NHLRC2: variants seen among roughly 807,000 people sequenced by gnomAD.
NHLRC2 encodes the protein NHL repeat-containing protein 2.
A neutral mutation model predicts 68.1 loss-of-function variants in NHLRC2; 33 were observed. The ratio of observed to expected loss-of-function variants is 0.48; its 90% CI spans 0.37 to 0.65. The LOEUF (loss-of-function observed/expected upper bound fraction) is 0.65, where lower values mean the gene tolerates loss of function less well. Ranked by LOEUF, NHLRC2 falls within the 30% of genes least tolerant of loss-of-function variation. The pLI, the probability that NHLRC2 is intolerant of heterozygous loss-of-function variation, is 0.00. For synonymous variants in NHLRC2, 311 were observed against 309.6 expected, an observed-to-expected ratio of 1.00 and a Z score of -0.05; for missense variants, 761 against 853.8, an observed-to-expected ratio of 0.89 and a Z score of 1.35.
Position 113,902,550 on chromosome 10 carries a change from A to C in NHLRC2, c.1451A>C (p.Lys484Thr). ...CACCCCCTTGGAGTAACATGGGACA[A>C]AAAAAGGAATTTACTTTATGTTGCA... ...LQHPLGVTWD[K>T]KRNLLYVADS... The change falls in exon 8 of 11, where the codon AAA becomes ACA. Residue 484 changes from lysine (K) to threonine (T), a missense_variant. Coordinates refer to ENST00000369301, the MANE Select transcript of NHLRC2 (RefSeq NM_198514.4). The C allele has an allele frequency of 6.2e-7, 1 of 1,610,074 alleles. No homozygotes were observed. The highest frequency in any genetic ancestry group is 8.5e-7 in the Non-Finnish European group (1 of 1,177,828).
rs199912512 is a variant in NHLRC2 at position 113,879,578 on chromosome 10, C to T, written c.792C>T (p.Pro264=). ...NGQIQYSIGG[P]NPGRKDGIFS... Reference sequence around the variant, plus strand: ...GCAAATTTTATCTTATTTTAGGACCCAACCCTGGAAGAAAAGATGGAATAT... The same window carrying T: ...GCAAATTTTATCTTATTTTAGGACCTAACCCTGGAAGAAAAGATGGAATAT... Residue 264 remains proline, a synonymous_variant, in exon 4 of 11, where the codon CCC becomes CCT. Transcript: ENST00000369301. The T allele has an allele frequency of 6.9e-6, 11 of 1,600,626 alleles. No homozygotes were observed. Among genetic ancestry groups the T allele is most frequent in the Non-Finnish European group, 9.4e-6 (11 of 1,174,054 alleles).
chr10:113,858,307 G>A (rs1326263351), intron 1 of NHLRC2, among the ~76,000 whole-genome samples: 1 of 151,430 alleles, frequency 6.6e-6, no homozygotes, highest in East Asian at 1.9e-4. Context: ...TTTAGTTACA[G>A]TCATAAAGAT....
intron 5 of NHLRC2, among the ~76,000 whole-genome samples, chr10:113,889,934 C>T (rs969659293): frequency 6.6e-6 from 1 of 152,182 alleles, no homozygotes; most frequent in African/African-American, 2.4e-5. Context: ...ATTCATTCAC[C>T]AGTTAATAGA....
chr10:113,904,301 A>T (rs1389547400), intron 9 of NHLRC2, among the ~76,000 whole-genome samples: 1 of 152,078 alleles, frequency 6.6e-6, no homozygotes, highest in Non-Finnish European at 1.5e-5. Context: ...TCAAGGGGAA[A>T]TGTCTATTAT....
At chr10:113,878,544 T>A (rs1471075876) in intron 3 of NHLRC2, among the ~76,000 whole-genome samples, 2 of 152,132 alleles carry the variant, frequency 1.3e-5, no homozygotes, top group Admixed American at 1.3e-4. Context: ...TTCTTTTTTT[T>A]AAAGATGGAG....
At chr10:113,880,732 C>T (rs1199826889) in intron 4 of NHLRC2, among the ~76,000 whole-genome samples, 2 of 151,842 alleles carry the variant, frequency 1.3e-5, no homozygotes, top group African/African-American at 4.8e-5. Flanking sequence ...AATCCTAGCA[C>T]CTAGAAAAGA....
chr10:113,878,075 C>G (rs1172115772), intron 3 of NHLRC2, among the ~76,000 whole-genome samples: 1 of 152,158 alleles, frequency 6.6e-6, no homozygotes, highest in Non-Finnish European at 1.5e-5. Context: ...ATACTGTTAT[C>G]TTTTGATACA....
rs1296920644 is a variant in NHLRC2, at chr10:113,897,873, G to T, written c.1040-237G>T. On this transcript the variant is annotated intron_variant, in intron 5 of 10. Transcript: ENST00000369301. ...CAGAGATGCAGAGGACTTACTGCTG[G>T]TAAGAATACTTTGGATTCCTGTGAA... Among the ~76,000 whole-genome samples the T allele has an allele frequency of 2.0e-5, 3 of 152,226 alleles. No individual in the cohort carries two copies. In the East Asian group the frequency reaches 5.8e-4, roughly 29 times the overall value.
intron 8 of NHLRC2, among the ~76,000 whole-genome samples, chr10:113,903,081 T>C (rs1846242197): frequency 6.6e-6 from 1 of 152,214 alleles, no homozygotes; most frequent in South Asian, 2.1e-4. Flanking sequence ...TACTTCATGA[T>C]GTGAGACCAT....
At position 113,876,839 on chromosome 10, in the gene NHLRC2, C is replaced by A. The variant is rs1271244354; in HGVS notation, c.650C>A (p.Ser217Tyr). The A allele has an allele frequency of 1.2e-6, 2 of 1,612,808 alleles. No homozygotes were observed. The highest frequency in any genetic ancestry group is 4.5e-5 in the East Asian group (2 of 44,842). The change falls in exon 3 of 11, where the codon TCT becomes TAT. Residue 217 changes from serine (S) to tyrosine (Y), a missense_variant. Coordinates refer to ENST00000369301, the MANE Select transcript of NHLRC2 (RefSeq NM_198514.4). ...NKIGIKLYKD[S>Y]LPPSPLLFPG... is the part of the protein sequence containing the mutation. ...ATTGGAATAAAACTCTATAAAGATT[C>A]TTTGCCACCTTCACCATTGCTATTT...
Position 113,876,744 on chromosome 10 carries a change from T to G in NHLRC2, c.555T>G (p.Asp185Glu). 2 of 1,612,446 alleles carry G rather than the reference T, an allele frequency of 1.2e-6. No individual in the cohort carries two copies. The highest frequency in any genetic ancestry group is 1.7e-6 in the Non-Finnish European group (2 of 1,178,604). Residue 185 changes from aspartate to glutamate, a missense_variant, in exon 3 of 11, where the codon GAT becomes GAG. Asp to Glu is a conservative substitution (Grantham distance 45, BLOSUM62 2). Transcript: ENST00000369301. ...CTTTGATTGGAGAGGGACACAAAGA[T>G]AAATTATTTTTATATACTTCAATTG... ...LFSLIGEGHK[D>E]KLFLYTSIAL...
chr10:113,898,069 A>C (rs764855698), intron 5 of NHLRC2, 41 bp from the exon 6 acceptor site: 10 of 1,197,588 alleles, frequency 8.4e-6, no homozygotes, highest in Non-Finnish European at 8.4e-6. Context: ...GTTTGTATTA[A>C]CCAGATATGT....
chr10:113,876,527 T>G lies in NHLRC2; in HGVS notation c.338T>G (p.Leu113Arg). ...LEHTYSDKDGLLIIGVHSAKF... is the reference protein window; with the variant it reads ...LEHTYSDKDGRLIIGVHSAKF... ...TATAATTTTTTCCTTTCAGATGGTC[T>G]TCTTATTATTGGTGTTCACTCGGCT... The change falls in exon 3 of 11, where the codon CTT becomes CGT. Residue 113 changes from leucine (L) to arginine (R), a missense_variant. Leu to Arg is a moderately radical substitution (Grantham distance 102). Coordinates refer to ENST00000369301, the MANE Select transcript of NHLRC2 (RefSeq NM_198514.4). The G allele has an allele frequency of 1.3e-6, 2 of 1,571,692 alleles. No individual in the cohort carries two copies. The highest frequency in any genetic ancestry group is 1.7e-6 in the Non-Finnish European group (2 of 1,157,736).
intron 10 of NHLRC2, among the ~76,000 whole-genome samples, chr10:113,907,646 C>T (rs1271152356): frequency 1.3e-5 from 2 of 152,054 alleles, no homozygotes; most frequent in East Asian, 1.9e-4. Context: ...CTGTTTATTT[C>T]TAGGAAGAGT....
chr10:113,876,757 T>C lies in NHLRC2; in HGVS notation c.568T>C (p.Tyr190His). The C allele has an allele frequency of 6.2e-7, 1 of 1,610,220 alleles. No homozygotes were observed. ...GEGHKDKLFL[Y>H]TSIALKYYKD... ...GGGACACAAAGATAAATTATTTTTA[T>C]ATACTTCAATTGCTTTAAAGTATTA... Residue 190 changes from tyrosine (Y) to histidine (H), a missense_variant, in exon 3 of 11, where the codon TAT (tyrosine) becomes CAT (histidine). Tyr to His is a moderately conservative substitution (Grantham distance 83). Transcript: ENST00000369301.
At chr10:113,888,330 A>G (rs1018073010) in intron 5 of NHLRC2, among the ~76,000 whole-genome samples, 2 of 152,250 alleles carry the variant, frequency 1.3e-5, no homozygotes, top group African/African-American at 4.8e-5. Flanking sequence ...CACACAGAAA[A>G]AAATGTTGGT....
rs909672160 is a variant in NHLRC2, at chr10:113,879,765, A to T, written c.909+70A>T. On this transcript the variant is annotated intron_variant, in intron 4 of 10. Transcript: ENST00000369301. Reference sequence around the variant, plus strand: ...AGGAAATGTATTTGCTACATTAAATATTTGAAGTTAAAGCGTGATTCTTAT... The same window carrying T: ...AGGAAATGTATTTGCTACATTAAATTTTTGAAGTTAAAGCGTGATTCTTAT... The T allele has an allele frequency of 9.6e-6, 10 of 1,036,930 alleles. No homozygotes were observed. The African/African-American group carries it at 1.7e-4, about 17-fold the overall frequency. 64.2% of individuals were successfully genotyped at this position (1,036,930 alleles called of 1,614,324 possible).
intron 10 of NHLRC2, 21 bp from the exon 11 acceptor site, chr10:113,908,259 A>C (rs1477380867): frequency 1.1e-5 from 17 of 1,593,366 alleles, no homozygotes; most frequent in Non-Finnish European, 1.4e-5. Context: ...CAGTCTTAAT[A>C]ATTTCATTTT....
At chr10:113,896,605 A>T (rs1846180186) in intron 5 of NHLRC2, among the ~76,000 whole-genome samples, 1 of 152,104 alleles carries the variant, frequency 6.6e-6, no homozygotes, top group South Asian at 2.1e-4. Flanking sequence ...AGCATGGCAC[A>T]TGTATACAAA....
Sources: gnomAD v4.1 joint callset for allele counts (sites outside exome capture counted in the v4.1 genomes callset) on GRCh38, gnomAD v4.1.1 for gene constraint, MANE v1.5 for transcripts, NCBI Gene and HGNC (gene_info 2026-07-23, HGNC 2026-07-21) for gene names.